The following THADA variants were observed in gnomAD, a reference collection of about 807,000 sequenced individuals.
THADA encodes tRNA (32-2'-O)-methyltransferase regulator THADA.
A neutral mutation model predicts 219.8 loss-of-function variants in THADA; 213 were observed. The ratio of observed to expected loss-of-function variants is 0.97; its 90% CI spans 0.87 to 1.09. The LOEUF (loss-of-function observed/expected upper bound fraction) is 1.09. THADA is among the 50% of genes least tolerant of loss of function. The probability of loss-of-function intolerance (pLI) is 0.00; values close to 1 mark genes in which losing one functional copy is unlikely to be tolerated. For synonymous variants in THADA, 1,018 were observed against 828.9 expected (o/e 1.23, Z -3.92); for missense variants, 2,956 against 2,311.3 (o/e 1.28, Z -5.72).
intron 22 of THADA, among the ~76,000 whole-genome samples, chr2:43,522,377 C>T (rs558712839): frequency 1.4e-4 from 22 of 152,188 alleles, no homozygotes; most frequent in African/African-American, 4.8e-4. Context: ...TAGCTGCAGG[C>T]ACAGGCAATA....
chr2:43,388,854 A>T (rs984601592), intron 29 of THADA, among the ~76,000 whole-genome samples: 1 of 152,158 alleles, frequency 6.6e-6, no homozygotes, highest in African/African-American at 2.4e-5. Flanking sequence ...TACAACATTA[A>T]TTTTTTTAAA....
At chr2:43,350,582 T>C (rs190308107) in intron 29 of THADA, among the ~76,000 whole-genome samples, 1 of 152,250 alleles carries the variant, frequency 6.6e-6, no homozygotes, top group South Asian at 2.1e-4. Flanking sequence ...TGGGTATAAG[T>C]ACCTACTTAT....
chr2:43,397,658 G>A (rs952558429), intron 29 of THADA, among the ~76,000 whole-genome samples: 2 of 151,652 alleles, frequency 1.3e-5, no homozygotes, highest in African/African-American at 4.9e-5. Flanking sequence ...TGTTTTGCAG[G>A]CATACTTGAT....
At chr2:43,441,761 C>G (rs1361800041) in intron 26 of THADA, among the ~76,000 whole-genome samples, 1 of 152,184 alleles carries the variant, frequency 6.6e-6, no homozygotes, top group Non-Finnish European at 1.5e-5. Flanking sequence ...TTTAAAAGGC[C>G]AAGATCATAG....
chr2:43,485,424 T>A, intron 25 of THADA, 99 bp from the exon 26 acceptor site: 1 of 819,882 alleles, frequency 1.2e-6, no homozygotes, highest in Non-Finnish European at 2.0e-6. Flanking sequence ...ATTACCTAAC[T>A]GGCTAGTGTG....
At chr2:43,276,859 C>T (rs1225389542) in intron 36 of THADA, among the ~76,000 whole-genome samples, 1 of 152,146 alleles carries the variant, frequency 6.6e-6, no homozygotes, top group Non-Finnish European at 1.5e-5. Context: ...GTGCCAGAGG[C>T]ATGCCTTGTT....
intron 13 of THADA, among the ~76,000 whole-genome samples, chr2:43,571,090 T>TA (rs957066784): frequency 5.3e-5 from 8 of 151,210 alleles, no homozygotes; most frequent in South Asian, 2.1e-4. Context: ...ACACTATCTC[T>TA]AAAAAAAAAT....
At chr2:43,319,334 T>C (rs1466514841) in intron 31 of THADA, among the ~76,000 whole-genome samples, 1 of 152,180 alleles carries the variant, frequency 6.6e-6, no homozygotes, top group Non-Finnish European at 1.5e-5. Flanking sequence ...TAAACTGGGA[T>C]TGCTTTATAG....
At chr2:43,519,159 C>A (rs1221043895) in intron 22 of THADA, among the ~76,000 whole-genome samples, 1 of 151,984 alleles carries the variant, frequency 6.6e-6, no homozygotes, top group Non-Finnish European at 1.5e-5. Flanking sequence ...ACTTACTTAT[C>A]TAATCCCAAA....
intron 31 of THADA, among the ~76,000 whole-genome samples, chr2:43,297,020 CCCCT>C (rs1675491915): frequency 1.1e-5 from 1 of 93,612 alleles, no homozygotes; most frequent in African/African-American, 6.4e-5. Context: ...ATGTGAGGAG[CCCCT>C]CTGCCTGGCT....
In THADA at chr2:43,354,569, G is replaced by C. The variant is rs367848108; in HGVS notation, c.4228-10332C>G. On this transcript the variant is annotated intron_variant, in intron 29 of 37. Transcript: ENST00000405975. ...ACTCTCTATCTCCATGAGTTCAATT[G>C]TTTTAATTTTTGGCTCCTACAAATG... 3.1e-4 allele frequency among the ~76,000 whole-genome samples: 47 copies of C among 151,864 alleles called. 1 individual carries two copies. In the East Asian group the frequency reaches 5.4e-3, roughly 17 times the overall value.
At chr2:43,447,127 C>T (rs1047386561) in intron 26 of THADA, among the ~76,000 whole-genome samples, 3 of 152,086 alleles carry the variant, frequency 2.0e-5, no homozygotes, top group African/African-American at 7.2e-5. Flanking sequence ...CACAGGGCAG[C>T]AGGAGAGAGA....
intron 36 of THADA, among the ~76,000 whole-genome samples, chr2:43,261,500 G>A (rs543233242): frequency 1.7e-3 from 253 of 151,390 alleles, no homozygotes; most frequent in African/African-American, 6.0e-3. Context: ...CTGCTCTGTC[G>A]CCCAGGCTGG....
chr2:43,294,960 T>C (rs1675191957), intron 31 of THADA, among the ~76,000 whole-genome samples: 1 of 152,192 alleles, frequency 6.6e-6, no homozygotes, highest in South Asian at 2.1e-4. Context: ...CATCATCTAA[T>C]AGAAATTGGG....
At chr2:43,436,404 C>G (rs1489388273) in intron 26 of THADA, among the ~76,000 whole-genome samples, 1 of 152,190 alleles carries the variant, frequency 6.6e-6, no homozygotes, top group African/African-American at 2.4e-5. Context: ...CCCAAACTGT[C>G]ATGAGCACAT....
At position 43,231,284 on chromosome 2, in the gene THADA, G is replaced by A. The variant is rs747629819; in HGVS notation, c.5526C>T (p.Ile1842=). 1.3e-6 allele frequency: 2 copies of A among 1,596,448 alleles called. No homozygotes were observed. Among genetic ancestry groups the A allele is most frequent in the Non-Finnish European group, 1.7e-6 (2 of 1,173,842 alleles). ...AEVNFWAETL[I]FVKYLCKHLF... ...GGTGCTTGCAGAGGTATTTCACAAA[G>A]ATCAGGGTCTCGGCCCAAAAGTTGA... The change falls in exon 38 of 38, where the codon ATC becomes ATT. Residue 1842 remains isoleucine, a synonymous_variant. Transcript: ENST00000405975.
chr2:43,537,799 C>CTACAAAAAA (rs150039124), intron 21 of THADA, among the ~76,000 whole-genome samples: 19,845 of 151,636 alleles, frequency 0.13, 1,572 homozygotes, highest in African/African-American at 0.22. Context: ...GATCCCGTCT[C>CTACAAAAAA]TACAAAAATT....
intron 21 of THADA, among the ~76,000 whole-genome samples, chr2:43,533,448 A>G (rs753509110): frequency 6.6e-6 from 1 of 152,206 alleles, no homozygotes; most frequent in Non-Finnish European, 1.5e-5. Flanking sequence ...ACATATGTTT[A>G]CTGCAGCACC....
At chr2:43,387,150 T>C (rs1471191587) in intron 29 of THADA, among the ~76,000 whole-genome samples, 2 of 152,198 alleles carry the variant, frequency 1.3e-5, no homozygotes, top group Non-Finnish European at 2.9e-5. Context: ...CAACTGTACC[T>C]AGCAATTCAT....
Sources: allele counts gnomAD v4.1 joint callset (sites outside exome capture counted in the v4.1 genomes callset), GRCh38; gene constraint gnomAD v4.1.1; transcripts MANE v1.5; gene names NCBI Gene and HGNC (gene_info 2026-07-23, HGNC 2026-07-21).